Variants in UTS2B observed in about 807,000 individuals in gnomAD.
UTS2B encodes the protein urotensin-2B.
In UTS2B, 21 loss-of-function variants were observed where a neutral mutation model predicts 19.2. That is an observed-to-expected ratio of 1.09 (90% CI 0.78 to 1.58). The LOEUF is 1.58. Among genes scored for constraint, UTS2B ranks in the 40% most tolerant of loss-of-function variants. The pLI is 0.00. For synonymous variants in UTS2B, 57 were observed against 50.2 expected (o/e 1.14, Z -0.58); for missense variants, 138 against 130.3 (o/e 1.06, Z -0.29).
intron 8 of UTS2B, among the ~76,000 whole-genome samples, chr3:191,271,993 T>A (rs1716106553): frequency 2.0e-5 from 3 of 152,220 alleles, no homozygotes; most frequent in Admixed American, 1.3e-4. Context: ...TAAATTGGGA[T>A]CATGTGCATA....
chr3:191,274,952 T>C (rs1716189594), intron 8 of UTS2B, among the ~76,000 whole-genome samples: 1 of 152,230 alleles, frequency 6.6e-6, no homozygotes, highest in African/African-American at 2.4e-5. Context: ...TTATTTCTAT[T>C]TGTGGTCTTT....
chr3:191,315,486 T>C (rs1002076102), intron 3 of UTS2B, among the ~76,000 whole-genome samples: 2 of 152,200 alleles, frequency 1.3e-5, no homozygotes, highest in African/African-American at 4.8e-5. Flanking sequence ...TCCAGGTAGA[T>C]AGTGTCGGAA....
intron 3 of UTS2B, among the ~76,000 whole-genome samples, chr3:191,308,974 T>A (rs866319342): frequency 4.6e-5 from 7 of 152,276 alleles, no homozygotes; most frequent in Middle Eastern, 3.4e-3. Context: ...ATTAACATAG[T>A]CATGTAAAAG....
chr3:191,291,766 T>C (rs573633866), intron 4 of UTS2B, among the ~76,000 whole-genome samples: 32 of 152,108 alleles, frequency 2.1e-4, no homozygotes, highest in African/African-American at 7.5e-4. Flanking sequence ...CTACTTTAAG[T>C]AAAGTTTTAT....
intron 2 of UTS2B, among the ~76,000 whole-genome samples, chr3:191,319,799 C>G (rs1277767012): frequency 6.8e-6 from 1 of 147,324 alleles, no homozygotes; most frequent in African/African-American, 2.5e-5. Flanking sequence ...ACCTGGGAGG[C>G]GGAGGTTGCA....
At position 191,282,031 on chromosome 3, in the gene UTS2B, T is replaced by C. The variant is rs1716400658; in HGVS notation, c.103+56A>G. ...GGCAGAAAAATCAAATTTGTTCAAA[T>C]AGAAATAGAAGAATTACTTACCCAC... On this transcript the variant is annotated intron_variant, in intron 5 of 8. Transcript: ENST00000340524. The C allele has an allele frequency of 7.2e-6, 9 of 1,257,128 alleles. 1 individual carries two copies. The highest frequency in any genetic ancestry group is 3.0e-5 in the African/African-American group (2 of 67,684). The allele number at this position is 1,257,128 out of a possible 1,614,324, so 77.9% of individuals were successfully genotyped here.
At chr3:191,273,970 T>C in intron 8 of UTS2B, among the ~76,000 whole-genome samples, 1 of 152,070 alleles carries the variant, frequency 6.6e-6, no homozygotes, top group Non-Finnish European at 1.5e-5. Flanking sequence ...GGAGTGATGG[T>C]GCATGCCTGT....
Position 191,276,812 on chromosome 3 carries a change from T to G in UTS2B, c.235A>C (p.Asn79His), listed in dbSNP as rs747508693. 6 of 1,612,162 alleles carry G rather than the reference T, an allele frequency of 3.7e-6. No individual in the cohort carries two copies. In the South Asian group the frequency reaches 6.6e-5, roughly 18 times the overall value. ...LALPNKLEEL[N>H]QLEKLKEQLV... Reference sequence around the variant, plus strand: ...TAAGTATTTCACATTCTCACCTGGTTAAGTTCTTCCAGTTTGTTAGGTAAG... The same window carrying G: ...TAAGTATTTCACATTCTCACCTGGTGAAGTTCTTCCAGTTTGTTAGGTAAG... The change falls in exon 7 of 9, where the codon AAC becomes CAC. Residue 79 changes from asparagine (N) to histidine (H), a missense_variant. Physicochemically the swap from Asn to His is moderately conservative, Grantham distance 68 (BLOSUM62 1). Coordinates refer to ENST00000340524, the MANE Select transcript of UTS2B (RefSeq NM_198152.5).
At chr3:191,279,632 A>G (rs16866433) in intron 5 of UTS2B, among the ~76,000 whole-genome samples, 49,207 of 151,870 alleles carry the variant, frequency 0.32, 8,769 homozygotes, top group Middle Eastern at 0.51. Flanking sequence ...CTGCATAGTT[A>G]AGTGAAACAT....
intron 4 of UTS2B, among the ~76,000 whole-genome samples, chr3:191,287,802 G>GA (rs1448744081): frequency 6.6e-6 from 1 of 151,728 alleles, no homozygotes; most frequent in Non-Finnish European, 1.5e-5. Context: ...AGAACAATTA[G>GA]AAAAAAAGAA....
Position 191,286,238 on chromosome 3 carries a change from A to G in UTS2B, c.-124-3925T>C, listed in dbSNP as rs756906973. Among the ~76,000 whole-genome samples the G allele has an allele frequency of 8.7e-4, 133 of 152,234 alleles. 2 individuals are homozygous for G. The highest frequency in any genetic ancestry group is 5.4e-4 in the Non-Finnish European group (37 of 68,020). On this transcript the variant is annotated intron_variant, in intron 4 of 8. Transcript: ENST00000340524. The stretch of plus-strand genomic sequence containing the variant: ...AACAGATTGTACAGACAGAAAATCA[A>G]TAGGGAAGCATGAGACTTAAAGGAA...
At chr3:191,279,809 A>G (rs1321235579) in intron 5 of UTS2B, among the ~76,000 whole-genome samples, 3 of 152,092 alleles carry the variant, frequency 2.0e-5, no homozygotes, top group Non-Finnish European at 4.4e-5. Flanking sequence ...GGAATTTTAA[A>G]AAGTTGATTT....
intron 3 of UTS2B, among the ~76,000 whole-genome samples, chr3:191,305,738 C>A (rs148047238): frequency 1.9e-3 from 282 of 152,184 alleles, no homozygotes; most frequent in African/African-American, 6.5e-3. Flanking sequence ...AACCTTTGCC[C>A]ATGCCTATGT....
intron 3 of UTS2B, among the ~76,000 whole-genome samples, chr3:191,305,363 A>T (rs1323211329): frequency 6.6e-6 from 1 of 152,156 alleles, no homozygotes; most frequent in Non-Finnish European, 1.5e-5. Context: ...AGCCATTCTG[A>T]CTGGCATGAG....
chr3:191,311,837 G>A lies in UTS2B; in HGVS notation c.-182+4199C>T, dbSNP rs116227078. On this transcript the variant is annotated intron_variant, in intron 3 of 8. Transcript: ENST00000340524. ...CCCTCTGAGAAATTCCAGTTATGTGGCATGAAAATTTTGACATCTTGGCCA... is the reference window on the plus strand; with the variant it reads ...CCCTCTGAGAAATTCCAGTTATGTGACATGAAAATTTTGACATCTTGGCCA... Among the ~76,000 whole-genome samples, 1,447 of 152,114 alleles carry A rather than the reference G, an allele frequency of 9.5e-3. 27 individuals are homozygous for A. Among genetic ancestry groups the A allele is most frequent in the African/African-American group, 0.032 (1,344 of 41,500 alleles).
chr3:191,317,570 G>GTTGTTGTTGTT (rs1418755095), intron 2 of UTS2B, among the ~76,000 whole-genome samples: 2 of 75,962 alleles, frequency 2.6e-5, no homozygotes, highest in African/African-American at 5.9e-5. Flanking sequence ...GATAGTCTTT[G>GTTGTTGTTGTT]TTGTTGTTGT....
At position 191,313,118 on chromosome 3, in the gene UTS2B, C is replaced by CTG; in HGVS notation, c.-182+2917_-182+2918insCA. 1.3e-5 allele frequency among the ~76,000 whole-genome samples: 2 copies of CTG among 151,924 alleles called. 1 individual carries two copies. Among genetic ancestry groups the CTG allele is most frequent in the South Asian group, 4.2e-4 (2 of 4,812 alleles). The stretch of plus-strand genomic sequence containing the variant: ...CAAGCAATTCTCCTGCCTCAGCCTC[C>CTG]CAAGTAGCTGGGATTACAGGCACCT... On this transcript the variant is annotated intron_variant, in intron 3 of 8. Coordinates refer to ENST00000340524, the MANE Select transcript of UTS2B (RefSeq NM_198152.5).
At chr3:191,284,699 T>C (rs1213538685) in intron 4 of UTS2B, among the ~76,000 whole-genome samples, 1 of 151,222 alleles carries the variant, frequency 6.6e-6, no homozygotes, top group African/African-American at 2.4e-5. Flanking sequence ...GGTGGGCGGG[T>C]CACGAGGCCA....
intron 3 of UTS2B, among the ~76,000 whole-genome samples, chr3:191,314,404 C>T (rs535429565): frequency 6.6e-6 from 1 of 152,248 alleles, no homozygotes. Context: ...CTACTTTCCT[C>T]ATAAAAGTTG....
Sources: allele counts gnomAD v4.1 joint callset (sites outside exome capture counted in the v4.1 genomes callset), GRCh38; gene constraint gnomAD v4.1.1; transcripts MANE v1.5; gene names NCBI Gene and HGNC (gene_info 2026-07-23, HGNC 2026-07-21).